The following CCNL2 variants were observed in gnomAD, a reference collection of about 807,000 sequenced individuals.
CCNL2 encodes the protein cyclin-L2.
In CCNL2, 28 loss-of-function variants were observed where a neutral mutation model predicts 59.1. The observed-to-expected ratio is 0.47, with a 90% CI of 0.35 to 0.65. The LOEUF (loss-of-function observed/expected upper bound fraction) is 0.65, where lower values mean the gene tolerates loss of function less well. Among genes scored for constraint, CCNL2 ranks in the 30% least tolerant of loss-of-function variants. The pLI, the probability that CCNL2 is intolerant of heterozygous loss-of-function variation, is 0.00. For missense variants in CCNL2, 714 were observed against 717.4 expected (o/e 1.00, Z 0.05); for synonymous variants, 342 against 288.6 (o/e 1.19, Z -1.88).
At chr1:1,396,384 A>G (rs1645022741) in intron 3 of CCNL2, among the ~76,000 whole-genome samples, 1 of 148,964 alleles carries the variant, frequency 6.7e-6, no homozygotes, top group Non-Finnish European at 1.5e-5. Flanking sequence ...CTCCTGCCTC[A>G]GCCTCCCAAG....
chr1:1,394,759 A>AG (rs1480078078), intron 4 of CCNL2, among the ~76,000 whole-genome samples: 3 of 145,864 alleles, frequency 2.1e-5, no homozygotes, highest in Non-Finnish European at 4.4e-5. Flanking sequence ...CAAGAAAAAA[A>AG]AAAAAAAAAA....
intron 5 of CCNL2, 147 bp from the exon 6 acceptor site, chr1:1,391,012 T>C: frequency 4.6e-6 from 4 of 873,196 alleles, no homozygotes; most frequent in Non-Finnish European, 6.9e-6. Flanking sequence ...CCTGTGAATC[T>C]CAAGAGTTAA....
chr1:1,392,319 T>C lies in CCNL2; in HGVS notation c.659+1077A>G, dbSNP rs950312373. The C allele has an allele frequency of 2.9e-5, 29 of 988,894 alleles. No individual in the cohort carries two copies. The South Asian group carries it at 1.1e-3, about 36-fold the overall frequency. 61.3% of individuals were successfully genotyped at this position (988,894 alleles called of 1,614,324 possible). A position where few individuals can be genotyped will look rare whatever the true frequency, so the allele number is the denominator to read the frequency against. ...AAACTTATTGCTGTATTTGAAGTGA[T>C]ACAATATTTTTCAAAGTATCCATGA... On this transcript the variant is annotated intron_variant, in intron 5 of 10. Transcript: ENST00000400809.
Position 1,399,070 on chromosome 1 carries a change from C to T in CCNL2, c.237G>A (p.Val79=). ...CCGCCTGGATGAGCTCGCAGCCCAC[C>T]ACGCGGAGGTCGGTCTCTGTGTCGG... ...LDTDTETDLR[V]VGCELIQAAG... is the part of the protein sequence containing the mutation. Residue 79 remains valine, a synonymous_variant, in exon 1 of 11, where the codon GTG becomes GTA. Coordinates refer to ENST00000400809, the MANE Select transcript of CCNL2 (RefSeq NM_030937.6). 2 of 1,610,968 alleles carry T rather than the reference C, an allele frequency of 1.2e-6. No individual in the cohort carries two copies. Among genetic ancestry groups the T allele is most frequent in the Non-Finnish European group, 1.7e-6 (2 of 1,179,160 alleles).
intron 5 of CCNL2, chr1:1,391,622 G>C (rs1168272185): frequency 1.9e-5 from 22 of 1,130,978 alleles, no homozygotes; most frequent in Non-Finnish European, 2.6e-5. Context: ...ATACTGAGAA[G>C]CAACATGATA....
chr1:1,390,186 T>C, intron 8 of CCNL2, 44 bp downstream of exon 8: 8 of 1,561,002 alleles, frequency 5.1e-6, no homozygotes, highest in Non-Finnish European at 7.0e-6. Flanking sequence ...GTCACCAGTC[T>C]TTGCCTTTGT....
chr1:1,390,525 A>C lies in CCNL2; in HGVS notation c.798T>G (p.Phe266Leu). Residue 266 changes from phenylalanine to leucine, a missense_variant, in exon 7 of 11, where the codon TTT becomes TTG. Around this residue, in one of 5 missense-constraint regions of CCNL2, gnomAD observed 403 missense variants for 377.7 expected, o/e 1.07. Coordinates refer to ENST00000400809, the MANE Select transcript of CCNL2 (RefSeq NM_030937.6). ...CCTGAATTTCTTCTTCAGTTGCTCC[A>C]AACAAAAGAAACCAATGGGGACGAT... ...LPNRPHWFLL[F>L]GATEEEIQEI... 6.2e-7 allele frequency: 1 copy of C among 1,613,950 alleles called. No homozygotes were observed. Among genetic ancestry groups the C allele is most frequent in the Non-Finnish European group, 8.5e-7 (1 of 1,179,952 alleles).
chr1:1,398,507 G>A, intron 2 of CCNL2, 90 bp downstream of exon 2: 1 of 1,572,530 alleles, frequency 6.4e-7, no homozygotes, highest in South Asian at 1.1e-5. Flanking sequence ...TGGGGGGCAA[G>A]TACTCACTCC....
At chr1:1,397,346 G>A (rs1005544065) in intron 3 of CCNL2, among the ~76,000 whole-genome samples, 1 of 152,170 alleles carries the variant, frequency 6.6e-6, no homozygotes, top group Admixed American at 6.5e-5. Context: ...CCAGGCTGGA[G>A]TGCAGTGGTG....
rs1003777808 is a variant in CCNL2, at chr1:1,387,162, G to A, written c.*69C>T. The A allele has an allele frequency of 4.6e-6, 6 of 1,316,352 alleles. No homozygotes were observed. In the South Asian group the frequency reaches 6.5e-5, roughly 14 times the overall value. The allele number at this position is 1,316,352 out of a possible 1,614,324, so 81.5% of individuals were successfully genotyped here. On this transcript the variant is annotated 3_prime_UTR_variant, in exon 11 of 11. Transcript: ENST00000400809. ...CCGGGGGTCAAAGGGCAGCCACCGG[G>A]GGTCAAAGGGCAGCCATCAGGTACT...
rs1273137985 is a variant in CCNL2, at chr1:1,390,834, C to T, written c.691G>A (p.Val231Ile). Residue 231 changes from valine to isoleucine, a missense_variant, in exon 6 of 11, where the codon GTC becomes ATC. By Grantham distance (29) the Val-to-Ile change is conservative (BLOSUM62 3). Transcript: ENST00000400809. Reference sequence around the variant, plus strand: ...CTCTCTGGCTGGAACCGCACGAAGACGTCGGTGCGAAGGCTGTCGTTCATG... The same window carrying T: ...CTCTCTGGCTGGAACCGCACGAAGATGTCGGTGCGAAGGCTGTCGTTCATG... ...NYMNDSLRTDVFVRFQPESIA... is the reference protein window; with the variant it reads ...NYMNDSLRTDIFVRFQPESIA... 3.1e-6 allele frequency: 5 copies of T among 1,613,984 alleles called. No homozygotes were observed. The highest frequency in any genetic ancestry group is 1.7e-5 in the Admixed American group (1 of 59,988).
intron 8 of CCNL2, 141 bp from the exon 9 acceptor site, chr1:1,388,206 C>A: frequency 1.5e-6 from 1 of 662,552 alleles, no homozygotes; most frequent in Non-Finnish European, 2.6e-6. Context: ...AGCTGGGACC[C>A]AGAACTTACA....
At position 1,393,042 on chromosome 1, in the gene CCNL2, AAT is replaced by A. The variant is rs567015990; in HGVS notation, c.659+352_659+353del. On this transcript the variant is annotated intron_variant, in intron 5 of 10. Coordinates refer to ENST00000400809, the MANE Select transcript of CCNL2 (RefSeq NM_030937.6). ...TCTCTGCCCCTCTCCCATGGGATGCAATGTCAGTGGAGAAACAGACCAAGTCT... is the reference window on the plus strand; with the variant it reads ...TCTCTGCCCCTCTCCCATGGGATGCAGTCAGTGGAGAAACAGACCAAGTCT... 2,787 of 603,592 alleles carry A rather than the reference AAT, an allele frequency of 4.6e-3. 6 individuals are homozygous for A. The highest frequency in any genetic ancestry group is 6.2e-3 in the Non-Finnish European group (2,113 of 340,296). The allele number at this position is 603,592 out of a possible 1,614,324, so 37.4% of individuals were successfully genotyped here.
At chr1:1,390,146 G>T in intron 8 of CCNL2, 84 bp downstream of exon 8, 1 of 1,237,260 alleles carries the variant, frequency 8.1e-7, no homozygotes, top group Non-Finnish European at 1.1e-6. Context: ...TCTGGAAGGA[G>T]CACATACCCC....
At chr1:1,393,221 C>T in intron 5 of CCNL2, 175 bp downstream of exon 5, 2 of 626,162 alleles carry the variant, frequency 3.2e-6, no homozygotes, top group Non-Finnish European at 5.8e-6. Context: ...ACCGTGACTG[C>T]CAGTGCCCAT....
intron 4 of CCNL2, among the ~76,000 whole-genome samples, chr1:1,393,998 C>T (rs1644880732): frequency 6.6e-6 from 1 of 151,894 alleles, no homozygotes; most frequent in Non-Finnish European, 1.5e-5. Context: ...TGGTGGTGCA[C>T]GCCTGTAATC....
At chr1:1,393,004 G>A (rs1223538866) in intron 5 of CCNL2, 8 of 632,524 alleles carry the variant, frequency 1.3e-5, no homozygotes, top group East Asian at 2.7e-5. Flanking sequence ...TGCTAAAATC[G>A]GCCCCAGAAC....
At position 1,398,772 on chromosome 1, in the gene CCNL2, A is replaced by G. The variant is rs567853168; in HGVS notation, c.289-101T>C. The G allele has an allele frequency of 3.2e-5, 40 of 1,263,406 alleles. 1 individual carries two copies. In the African/African-American group the frequency reaches 5.2e-4, roughly 16 times the overall value. 78.3% of individuals were successfully genotyped at this position (1,263,406 alleles called of 1,614,324 possible). A position where few individuals can be genotyped will look rare whatever the true frequency, so the allele number is the denominator to read the frequency against. ...TGGGACTCCCCACGCAGAACCAAAC[A>G]CTGAAACGCTTCCCACGTCCACAAA... On this transcript the variant is annotated intron_variant, in intron 1 of 10. Coordinates refer to ENST00000400809, the MANE Select transcript of CCNL2 (RefSeq NM_030937.6).
chr1:1,388,564 T>C (rs894062771), intron 8 of CCNL2: 1 of 331,002 alleles, frequency 3.0e-6, no homozygotes, highest in Admixed American at 3.3e-5. Flanking sequence ...TGTGAGTGTG[T>C]GTCTCTCTCT....
Sources: allele counts gnomAD v4.1 joint callset (sites outside exome capture counted in the v4.1 genomes callset), GRCh38; gene constraint gnomAD v4.1.1; regional missense constraint gnomAD v4.1.1; transcripts MANE v1.5; gene names NCBI Gene and HGNC (gene_info 2026-07-23, HGNC 2026-07-21).